The following FRMD7 variants were observed in gnomAD, a reference collection of about 807,000 sequenced individuals.
The protein encoded by FRMD7 is FERM domain containing 7, also known as FERM domain-containing protein 7.
Under a neutral mutation model 44.1 loss-of-function variants are expected in FRMD7, and 14 were observed. That is an observed-to-expected ratio of 0.32 (90% CI 0.21 to 0.50). The LOEUF is 0.50. Among genes scored for constraint, FRMD7 ranks in the 20% least tolerant of loss-of-function variants. The pLI, the probability that FRMD7 is intolerant of heterozygous loss-of-function variation, is 0.99. For synonymous variants in FRMD7, 212 were observed against 187.4 expected (o/e 1.13, Z -1.07); for missense variants, 501 against 522.3 (o/e 0.96, Z 0.40).
Position 132,078,324 on chromosome X carries a change from C to T in FRMD7, c.1693G>A (p.Val565Ile). 3.3e-6 allele frequency: 4 copies of T among 1,212,003 alleles called. No individual in the cohort carries two copies. The highest frequency in any genetic ancestry group is 4.5e-6 in the Non-Finnish European group (4 of 895,399). ...ARTSGRSNIN[V>I]GLEEEDPNLE... ...TTTGGGTCTTCCTCTTCTAGACCTA[C>T]ATTGATGTTGCTCCTACCGCTAGTC... The change falls in exon 12 of 12, where the codon GTA becomes ATA. Residue 565 changes from valine (V) to isoleucine (I), a missense_variant. Coordinates refer to ENST00000298542, the MANE Select transcript of FRMD7 (RefSeq NM_194277.3).
rs1226354616 is a variant in FRMD7, at chrX:132,082,365, A to G, written c.903T>C (p.Tyr301=). ...LLCSKGSSFR[Y]SGRTQRQLLE... ...GCCTATGTGCATTGTTTAATTACCT[A>G]TAGCGGAAACTGGAACCCTTGCTGC... Residue 301 remains tyrosine (Y), a splice_region_variant and synonymous_variant, in exon 9 of 12, where the codon TAT becomes TAC. Coordinates refer to ENST00000298542, the MANE Select transcript of FRMD7 (RefSeq NM_194277.3). The G allele has an allele frequency of 1.9e-5, 23 of 1,206,146 alleles. No individual in the cohort carries two copies. Among genetic ancestry groups the G allele is most frequent in the Non-Finnish European group, 2.1e-5 (19 of 891,635 alleles).
chrX:132,114,363 A>C (rs1928850451), intron 1 of FRMD7, among the ~76,000 whole-genome samples: 1 of 111,852 alleles, frequency 8.9e-6, no homozygotes, highest in African/African-American at 3.3e-5. Context: ...TCAGGAAACT[A>C]TTCCAAACTA....
In FRMD7 at chrX:132,086,507, A is replaced by C. The variant is rs775626676; in HGVS notation, c.383-473T>G. On this transcript the variant is annotated intron_variant, in intron 5 of 11. Transcript: ENST00000298542. ...TGATTGAGGTGAAATGACTCCATCA[A>C]GGCAAGCCTTAAACCAATCTGACTG... Among the ~76,000 whole-genome samples, 4 of 111,055 alleles carry C rather than the reference A, an allele frequency of 3.6e-5. No individual in the cohort carries two copies. In the South Asian group the frequency reaches 1.2e-3, roughly 32 times the overall value.
chrX:132,100,949 A>G (rs982916765), intron 1 of FRMD7, among the ~76,000 whole-genome samples: 4 of 111,900 alleles, frequency 3.6e-5, no homozygotes, highest in Non-Finnish European at 7.5e-5. Flanking sequence ...CACCTTGGAA[A>G]AAGAAATACT....
At chrX:132,085,214 C>A (rs1175803459) in intron 7 of FRMD7, among the ~76,000 whole-genome samples, 1 of 111,396 alleles carries the variant, frequency 9.0e-6, no homozygotes, top group African/African-American at 3.3e-5. Flanking sequence ...TCTAAACTCC[C>A]TTGGCTTTCC....
At position 132,078,499 on chromosome X, in the gene FRMD7, G is replaced by T; in HGVS notation, c.1518C>A (p.Pro506=). The T allele has an allele frequency of 1.7e-6, 2 of 1,210,485 alleles. No individual in the cohort carries two copies. Among genetic ancestry groups the T allele is most frequent in the Non-Finnish European group, 2.2e-6 (2 of 894,587 alleles). ...FFYVDKPPQV[P]RWSPIRAEER... ...CCTCTGCTCTAATTGGGGACCATCT[G>T]GGCACCTGGGGTGGCTTGTCCACAT... is the stretch of plus-strand genomic sequence containing the variant. The change falls in exon 12 of 12, where the codon CCC becomes CCA. Residue 506 remains proline, a synonymous_variant. Transcript: ENST00000298542.
Position 132,081,364 on chromosome X carries a change from CA to C in FRMD7, c.905+998del, listed in dbSNP as rs71827852. Reference sequence around the variant, plus strand: ...AACAAAACAAAACAAACAACAACAACAAAAAAAAACACAAGAATAATAAAGT... The same window carrying C: ...AACAAAACAAAACAAACAACAACAACAAAAAAAACACAAGAATAATAAAGT... On this transcript the variant is annotated intron_variant, in intron 9 of 11. Transcript: ENST00000298542. 1.0e-4 allele frequency among the ~76,000 whole-genome samples: 11 copies of C among 108,668 alleles called. No individual in the cohort carries two copies. In the East Asian group the frequency reaches 2.3e-3, roughly 23 times the overall value. 94.4% of individuals were successfully genotyped at this position (108,668 alleles called of 115,157 possible). A position where few individuals can be genotyped will look rare whatever the true frequency, so the allele number is the denominator to read the frequency against.
At chrX:132,122,439 G>A (rs776398378) in intron 1 of FRMD7, among the ~76,000 whole-genome samples, 6 of 111,713 alleles carry the variant, frequency 5.4e-5, no homozygotes, top group Non-Finnish European at 7.5e-5. Context: ...TTCTAAACTT[G>A]CTCCTTCTAT....
At chrX:132,096,846 T>A (rs971598333) in intron 4 of FRMD7, among the ~76,000 whole-genome samples, 5 of 111,879 alleles carry the variant, frequency 4.5e-5, no homozygotes, top group African/African-American at 1.3e-4. Flanking sequence ...TCATAAGTAT[T>A]TATCATCATT....
intron 1 of FRMD7, among the ~76,000 whole-genome samples, chrX:132,124,904 ATTTG>A: frequency 8.9e-6 from 1 of 111,896 alleles, no homozygotes; most frequent in Middle Eastern, 4.6e-3. Flanking sequence ...CTCAATAATA[ATTTG>A]TTAACTAAAT....
chrX:132,105,151 G>A (rs995808463), intron 1 of FRMD7, among the ~76,000 whole-genome samples: 3 of 111,449 alleles, frequency 2.7e-5, no homozygotes, highest in African/African-American at 6.5e-5. Context: ...GGAAATCATC[G>A]ATGACAGATT....
Position 132,080,058 on chromosome X carries a change from T to A in FRMD7, c.998A>T (p.His333Leu), listed in dbSNP as rs781757793. 3 of 1,200,858 alleles carry A rather than the reference T, an allele frequency of 2.5e-6. No homozygotes were observed. In the East Asian group the frequency reaches 8.9e-5, roughly 36 times the overall value. ...FERKHYPSQY[H>L]ERQCRSSPDL... ...TGGTGAGGACCTGCACTGTCGTTCA[T>A]GGTACTGAGATGGGTAATGTTTCCT... The change falls in exon 11 of 12, where the codon CAT (histidine) becomes CTT (leucine). Residue 333 changes from histidine to leucine, a missense_variant. Physicochemically the swap from His to Leu is moderately conservative, Grantham distance 99. Coordinates refer to ENST00000298542, the MANE Select transcript of FRMD7 (RefSeq NM_194277.3).
chrX:132,106,757 G>A lies in FRMD7; in HGVS notation c.58-6041C>T, dbSNP rs147239036. On this transcript the variant is annotated intron_variant, in intron 1 of 11. Transcript: ENST00000298542. ...GGAGCCGGAGGCCATTATCCTTAGC[G>A]AGCTAAAGCGGGAACAAAAAATCAA... 3.9e-3 allele frequency among the ~76,000 whole-genome samples: 440 copies of A among 112,043 alleles called. 3 individuals carry two copies. Among genetic ancestry groups the A allele is most frequent in the African/African-American group, 0.013 (406 of 30,843 alleles).
intron 4 of FRMD7, among the ~76,000 whole-genome samples, chrX:132,096,664 G>T (rs930935825): frequency 2.9e-5 from 3 of 103,519 alleles, no homozygotes; most frequent in African/African-American, 1.1e-4. Flanking sequence ...AGCCAGGGAG[G>T]TTGCCACTGC....
chrX:132,091,670 CAAAAA>C (rs35822147), intron 5 of FRMD7, among the ~76,000 whole-genome samples: 1 of 48,134 alleles, frequency 2.1e-5, no homozygotes. Flanking sequence ...ACTAAAAATA[CAAAAA>C]AAAAAAAAAA....
chrX:132,091,734 T>C lies in FRMD7; in HGVS notation c.382+2308A>G, dbSNP rs192802305. ...CCTGTAATCCCAGCTACTCAGGAGGTTGAGGCAGGAGAATCACTTGAACCT... is the reference window on the plus strand; with the variant it reads ...CCTGTAATCCCAGCTACTCAGGAGGCTGAGGCAGGAGAATCACTTGAACCT... On this transcript the variant is annotated intron_variant, in intron 5 of 11. Transcript: ENST00000298542. 8.7e-4 allele frequency among the ~76,000 whole-genome samples: 93 copies of C among 106,775 alleles called. 1 individual carries two copies. The East Asian group carries it at 0.013, about 15-fold the overall frequency. 92.7% of individuals were successfully genotyped at this position (106,775 alleles called of 115,157 possible).
At chrX:132,097,715 C>T (rs754478370) in intron 3 of FRMD7, among the ~76,000 whole-genome samples, 2 of 111,981 alleles carry the variant, frequency 1.8e-5, no homozygotes, top group South Asian at 7.4e-4. Context: ...GAGAGAAGGG[C>T]TCAACTTCAG....
In FRMD7 at chrX:132,127,945, A is replaced by T; in HGVS notation, c.-101T>A. On this transcript the variant is annotated 5_prime_UTR_variant, in exon 1 of 12. Transcript: ENST00000298542. ...GGATGTGGTGCACTCGGGCCCCCCC[A>T]CCCCCAGCCAGGCATTCCCACTGTC... is the stretch of plus-strand genomic sequence containing the variant. 1 of 683,507 alleles carries T rather than the reference A, an allele frequency of 1.5e-6. No homozygotes were observed. The highest frequency in any genetic ancestry group is 2.4e-6 in the Non-Finnish European group (1 of 418,129). 56.3% of individuals were successfully genotyped at this position (683,507 alleles called of 1,213,427 possible).
rs925472063 is a variant in FRMD7, at chrX:132,078,750, A to C, written c.1267T>G (p.Phe423Val). ...SFPFIYMDPV[F>V]NTEPNPNPDP... ...GGGTTAGGATTGGGCTCAGTGTTAA[A>C]GACAGGGTCCATATAAATAAAAGGG... The change falls in exon 12 of 12, where the codon TTT becomes GTT. Residue 423 changes from phenylalanine to valine, a missense_variant. Phe to Val is a conservative substitution (Grantham distance 50, BLOSUM62 -1). Transcript: ENST00000298542. 10 of 1,211,087 alleles carry C rather than the reference A, an allele frequency of 8.3e-6. No homozygotes were observed. Among genetic ancestry groups the C allele is most frequent in the Non-Finnish European group, 2.2e-6 (2 of 894,763 alleles).
Sources: allele counts gnomAD v4.1 joint callset (sites outside exome capture counted in the v4.1 genomes callset), GRCh38; gene constraint gnomAD v4.1.1; transcripts MANE v1.5; gene names NCBI Gene and HGNC (gene_info 2026-07-23, HGNC 2026-07-21).